Variants in ORC1 observed in about 807,000 individuals in gnomAD.
ORC1 encodes origin recognition complex subunit 1, also known as origin recognition complex, subunit 1 homolog.
A neutral mutation model predicts 98.9 loss-of-function variants in ORC1; 61 were observed. That is an observed-to-expected ratio of 0.62 (90% confidence interval 0.50 to 0.76). ORC1 has a LOEUF of 0.76. Ranked by LOEUF, ORC1 falls within the 30% of genes least tolerant of loss-of-function variation. ORC1 has a pLI of 0.00. For synonymous variants in ORC1, 385 were observed against 406.9 expected, an observed-to-expected ratio of 0.95 and a Z score of 0.65; for missense variants, 979 against 1,072.2, an observed-to-expected ratio of 0.91 and a Z score of 1.21.
In ORC1 at chr1:52,388,554, T is replaced by C; in HGVS notation, c.1271A>G (p.Glu424Gly). 2 of 1,614,146 alleles carry C rather than the reference T, an allele frequency of 1.2e-6. No homozygotes were observed. The highest frequency in any genetic ancestry group is 8.5e-7 in the Non-Finnish European group (1 of 1,180,018). Residue 424 changes from glutamate (E) to glycine (G), a missense_variant, in exon 8 of 17, where the codon GAA becomes GGA. By Grantham distance (98) the Glu-to-Gly change is moderately conservative. Transcript: ENST00000371568. Reference sequence around the variant, plus strand: ...TGGAAGGGGCGGTGTGGAAGCCTCTTCTTCGTCACTGCTAGAGTCTGAAAT... The same window carrying C: ...TGGAAGGGGCGGTGTGGAAGCCTCTCCTTCGTCACTGCTAGAGTCTGAAAT... ...AEISDSSSDEEEASTPPLPRR... is the reference protein window; with the variant it reads ...AEISDSSSDEGEASTPPLPRR...
chr1:52,384,955 A>C (rs1385532798), intron 10 of ORC1, among the ~76,000 whole-genome samples: 1 of 152,222 alleles, frequency 6.6e-6, no homozygotes, highest in Non-Finnish European at 1.5e-5. Flanking sequence ...AATGAAGGCC[A>C]GTTTCATTCT....
upstream of ORC1, chr1:52,404,834 A>C: frequency 1.2e-6 from 2 of 1,614,258 alleles, no homozygotes; most frequent in Non-Finnish European, 1.7e-6. Context: ...TCGAACGCGA[A>C]TCTATGAGTC....
intron 13 of ORC1, among the ~76,000 whole-genome samples, chr1:52,382,672 C>G (rs149163005): frequency 6.7e-6 from 1 of 149,918 alleles, no homozygotes; most frequent in Non-Finnish European, 1.5e-5. Flanking sequence ...CTCCGCCTCC[C>G]GGGTTCAAGA....
At chr1:52,397,313 C>T (rs1366826342) in intron 4 of ORC1, among the ~76,000 whole-genome samples, 2 of 152,198 alleles carry the variant, frequency 1.3e-5, no homozygotes, top group Non-Finnish European at 2.9e-5. Flanking sequence ...TTGTCTGTAG[C>T]AACTAGCACT....
Position 52,373,145 on chromosome 1 carries a change from C to G in ORC1, c.*36G>C, listed in dbSNP as rs1646954892. On this transcript the variant is annotated 3_prime_UTR_variant, in exon 17 of 17. Coordinates refer to ENST00000371568, the MANE Select transcript of ORC1 (RefSeq NM_004153.4). ...AGACCCTGTCTCAAAAAACAAAACC[C>G]AGCAAGACCCCAGTCTTTTAACTTG... 6.2e-7 allele frequency: 1 copy of G among 1,606,642 alleles called. No homozygotes were observed. The highest frequency in any genetic ancestry group is 1.3e-5 in the African/African-American group (1 of 74,786).
At chr1:52,390,943 A>G (rs948132102) in intron 6 of ORC1, among the ~76,000 whole-genome samples, 5 of 151,554 alleles carry the variant, frequency 3.3e-5, no homozygotes, top group African/African-American at 4.8e-5. Context: ...CTGGATCCTC[A>G]TCTCTCATCT....
upstream of ORC1, among the ~76,000 whole-genome samples, chr1:52,406,840 G>A (rs1569973119): frequency 6.6e-6 from 1 of 152,134 alleles, no homozygotes; most frequent in Non-Finnish European, 1.5e-5. Flanking sequence ...CTGAGGCACA[G>A]AGATTAATTA....
chr1:52,393,411 C>G, intron 6 of ORC1, 32 bp downstream of exon 6: 2 of 1,613,808 alleles, frequency 1.2e-6, no homozygotes, highest in Non-Finnish European at 1.7e-6. Context: ...TGAAGGATTT[C>G]AATTTGCTCT....
chr1:52,389,592 A>G (rs755724842), intron 6 of ORC1, among the ~76,000 whole-genome samples: 11 of 152,058 alleles, frequency 7.2e-5, no homozygotes, highest in Non-Finnish European at 1.3e-4. Context: ...AAAATATGCT[A>G]CTCCCAGGGA....
At chr1:52,391,743 C>A (rs1647215754) in intron 6 of ORC1, among the ~76,000 whole-genome samples, 2 of 151,856 alleles carry the variant, frequency 1.3e-5, no homozygotes, top group Admixed American at 1.3e-4. Flanking sequence ...TACTAAAATA[C>A]AAAAATTAGT....
chr1:52,391,312 C>CAAAA (rs57169076), intron 6 of ORC1, among the ~76,000 whole-genome samples: 3 of 70,164 alleles, frequency 4.3e-5, no homozygotes, highest in African/African-American at 1.3e-4. Context: ...GACTCCATCT[C>CAAAA]AAAAAAAAAA....
In ORC1 at chr1:52,394,191, CAAT is replaced by C. The variant is rs138730936; in HGVS notation, c.722-391_722-389del. Among the ~76,000 whole-genome samples, 38 of 152,278 alleles carry C rather than the reference CAAT, an allele frequency of 2.5e-4. No individual in the cohort carries two copies. In the East Asian group the frequency reaches 7.1e-3, roughly 29 times the overall value. ...TTATACTAGAGATGCTATCAAGTAA[CAAT>C]GAGGCCAAGATTTTTCTTAACCCAG... On this transcript the variant is annotated intron_variant, in intron 5 of 16. Transcript: ENST00000371568.
Position 52,397,832 on chromosome 1 carries a change from T to A in ORC1, c.255A>T (p.Arg85=). 1 of 1,614,216 alleles carries A rather than the reference T, an allele frequency of 6.2e-7. No homozygotes were observed. Among genetic ancestry groups the A allele is most frequent in the Non-Finnish European group, 8.5e-7 (1 of 1,180,036 alleles). The change falls in exon 4 of 17, where the codon CGA becomes CGT. Residue 85 remains arginine (R), a synonymous_variant. Transcript: ENST00000371568. ...CACAGAATCGGACAAACCACTGTAC[T>A]CGAGCACGTTTCTTAGGAGGAGGAT... ...DSDPPPKKRA[R]VQWFVRFCEV...
chr1:52,405,018 CCTGCTAAGTGCCTCGT>C, upstream of ORC1: 1 of 912,712 alleles, frequency 1.1e-6, no homozygotes, highest in Non-Finnish European at 1.7e-6. Flanking sequence ...ATTTTGAGTG[CCTGCTAAGTGCCTCGT>C]CTTGTGTTGA....
chr1:52,373,121 G>C lies in ORC1; in HGVS notation c.*60C>G, dbSNP rs1016969039. The C allele has an allele frequency of 2.0e-6, 3 of 1,528,922 alleles. No homozygotes were observed. Among genetic ancestry groups the C allele is most frequent in the Non-Finnish European group, 2.7e-6 (3 of 1,104,454 alleles). 94.7% of individuals were successfully genotyped at this position (1,528,922 alleles called of 1,614,324 possible). On this transcript the variant is annotated 3_prime_UTR_variant, in exon 17 of 17. Coordinates refer to ENST00000371568, the MANE Select transcript of ORC1 (RefSeq NM_004153.4). ...CACTCCAGCCTGGGCGACAGAGCAA[G>C]ACCCTGTCTCAAAAAACAAAACCCA...
chr1:52,383,535 A>G lies in ORC1; in HGVS notation c.1898T>C (p.Met633Thr). The change falls in exon 13 of 17, where the codon ATG becomes ACG. Residue 633 changes from methionine to threonine, a missense_variant. By Grantham distance (81) the Met-to-Thr change is moderately conservative. Transcript: ENST00000371568. ...DLLWTHKQDIMYNLFDWPTHK... is the reference protein window; with the variant it reads ...DLLWTHKQDITYNLFDWPTHK... ...AGTGGGCCAGTCAAAGAGATTGTACATTATGTCTTGTTTGTGAGTCCACAG... is the reference window on the plus strand; with the variant it reads ...AGTGGGCCAGTCAAAGAGATTGTACGTTATGTCTTGTTTGTGAGTCCACAG... The G allele has an allele frequency of 6.2e-7, 1 of 1,614,050 alleles. No homozygotes were observed. The highest frequency in any genetic ancestry group is 8.5e-7 in the Non-Finnish European group (1 of 1,180,026).
chr1:52,383,847 C>A lies in ORC1; in HGVS notation c.1846G>T (p.Val616Phe), dbSNP rs757592121. 6.2e-7 allele frequency: 1 copy of A among 1,613,832 alleles called. No homozygotes were observed. The highest frequency in any genetic ancestry group is 1.3e-5 in the African/African-American group (1 of 75,024). Reference sequence around the variant, plus strand: ...CACCTCACCTCATCCACAAGCAGGACGGTGGTTTCCTGAGGTGACCCTCGG... The same window carrying A: ...CACCTCACCTCATCCACAAGCAGGAAGGTGGTTTCCTGAGGTGACCCTCGG... ...CTRGSPQETT[V>F]LLVDELDLLW... The change falls in exon 12 of 17, where the codon GTC becomes TTC. Residue 616 changes from valine (V) to phenylalanine (F), a missense_variant. Transcript: ENST00000371568.
upstream of ORC1, among the ~76,000 whole-genome samples, chr1:52,406,936 A>G (rs1648012921): frequency 6.6e-6 from 1 of 152,238 alleles, no homozygotes; most frequent in South Asian, 2.1e-4. Flanking sequence ...CTTCTCGTAC[A>G]AAGAAACTAT....
chr1:52,374,742 G>T, intron 16 of ORC1, 68 bp downstream of exon 16: 1 of 1,074,260 alleles, frequency 9.3e-7, no homozygotes, highest in South Asian at 1.3e-5. Context: ...CACATTCATG[G>T]AAATTTCCAT....
Sources: allele counts gnomAD v4.1 joint callset (sites outside exome capture counted in the v4.1 genomes callset), GRCh38; gene constraint gnomAD v4.1.1; transcripts MANE v1.5; gene names NCBI Gene and HGNC (gene_info 2026-07-23, HGNC 2026-07-21).